The following ZFHX3 variants were observed in gnomAD, a reference collection of about 807,000 sequenced individuals.
ZFHX3 encodes zinc finger homeobox 3.
A neutral mutation model predicts 279.1 loss-of-function variants in ZFHX3; 42 were observed. The observed-to-expected ratio is 0.15, with a 90% confidence interval of 0.12 to 0.19. ZFHX3 has a LOEUF of 0.19. ZFHX3 is among the 10% of genes least tolerant of loss of function. ZFHX3 has a pLI of 1.00. For missense variants in ZFHX3, 4,981 were observed against 4,754.0 expected (o/e 1.05, Z -1.40); for synonymous variants, 2,293 against 1,957.8 (o/e 1.17, Z -4.52).
At chr16:73,704,486 G>T (rs1252568725) in intron 1 of ZFHX3, among the ~76,000 whole-genome samples, 1 of 152,180 alleles carries the variant, frequency 6.6e-6, no homozygotes, top group Non-Finnish European at 1.5e-5. Flanking sequence ...GCTACTCGCT[G>T]GCTAATTTCC....
At chr16:73,549,711 C>G (rs182352431) in intron 2 of ZFHX3, among the ~76,000 whole-genome samples, 1 of 152,154 alleles carries the variant, frequency 6.6e-6, no homozygotes, top group African/African-American at 2.4e-5. Flanking sequence ...AGAAAATGCC[C>G]CGGGTCTCCT....
chr16:73,477,687 C>G (rs2018788232), intron 2 of ZFHX3, among the ~76,000 whole-genome samples: 1 of 152,182 alleles, frequency 6.6e-6, no homozygotes, highest in Non-Finnish European at 1.5e-5. Context: ...CAGCAGCAGT[C>G]ACTTCTCACC....
intron 1 of ZFHX3, among the ~76,000 whole-genome samples, chr16:73,839,555 G>A (rs1339668789): frequency 1.3e-5 from 2 of 152,056 alleles, no homozygotes; most frequent in Non-Finnish European, 2.9e-5. Context: ...TCAGTTCAAT[G>A]GAATACATGT....
At chr16:73,154,819 C>A (rs926618601) in intron 5 of ZFHX3, among the ~76,000 whole-genome samples, 2 of 151,894 alleles carry the variant, frequency 1.3e-5, no homozygotes, top group African/African-American at 4.8e-5. Flanking sequence ...TTAAAAAAAT[C>A]AAAAGCAAAG....
At chr16:72,992,566 A>T (rs1963131432) in intron 1 of ZFHX3, among the ~76,000 whole-genome samples, 1 of 152,104 alleles carries the variant, frequency 6.6e-6, no homozygotes, top group South Asian at 2.1e-4. Context: ...ATCCCAACCC[A>T]CACAAAGGCA....
chr16:73,532,594 T>A lies in ZFHX3; in HGVS notation c.-1546-76336A>T, dbSNP rs528388484. On this transcript the variant is annotated intron_variant, in intron 2 of 17. Transcript: ENST00000641206. ...AGAGGAGGGCTGGAACTAAGCTGCC[T>A]GAATCTGAATCCTCACTCCCCACTT... is the stretch of plus-strand genomic sequence containing the variant. 9.2e-5 allele frequency among the ~76,000 whole-genome samples: 14 copies of A among 152,324 alleles called. No homozygotes were observed. In the South Asian group the frequency reaches 2.9e-3, roughly 32 times the overall value.
intron 2 of ZFHX3, among the ~76,000 whole-genome samples, chr16:73,528,815 G>A (rs1172788934): frequency 1.3e-5 from 2 of 152,150 alleles, no homozygotes; most frequent in Non-Finnish European, 2.9e-5. Flanking sequence ...AAGGTAACTG[G>A]CACCATGGGA....
chr16:73,197,428 G>C (rs1968174623), intron 5 of ZFHX3, among the ~76,000 whole-genome samples: 1 of 152,162 alleles, frequency 6.6e-6, no homozygotes, highest in South Asian at 2.1e-4. Context: ...TCTGTTGTCT[G>C]TTGTATTTTT....
chr16:73,459,300 A>G (rs1325722082), intron 2 of ZFHX3, among the ~76,000 whole-genome samples: 1 of 152,214 alleles, frequency 6.6e-6, no homozygotes, highest in Non-Finnish European at 1.5e-5. Context: ...CCATTTTCAT[A>G]CTGCGATAAA....
chr16:73,392,627 A>C (rs916216467), intron 3 of ZFHX3, among the ~76,000 whole-genome samples: 8 of 151,282 alleles, frequency 5.3e-5, no homozygotes, highest in Non-Finnish European at 8.8e-5. Context: ...AAATCTAAAA[A>C]CTGTGTATGT....
intron 1 of ZFHX3, among the ~76,000 whole-genome samples, chr16:73,805,872 G>A (rs1360285930): frequency 6.6e-6 from 1 of 152,206 alleles, no homozygotes; most frequent in Non-Finnish European, 1.5e-5. Context: ...GCCTCTCTGA[G>A]AAGGTGACTT....
intron 5 of ZFHX3, among the ~76,000 whole-genome samples, chr16:73,179,860 G>T (rs1967752684): frequency 6.6e-6 from 1 of 152,142 alleles, no homozygotes; most frequent in Admixed American, 6.6e-5. Context: ...TCAGAAGGGG[G>T]ACCCACTGAC....
intron 3 of ZFHX3, among the ~76,000 whole-genome samples, chr16:73,416,140 A>C (rs1187075719): frequency 1.2e-4 from 18 of 148,804 alleles, no homozygotes; most frequent in African/African-American, 4.6e-4. Context: ...AAAAAAAAAC[A>C]AAAAACGGAA....
At chr16:73,668,115 C>T (rs932529365) in intron 2 of ZFHX3, among the ~76,000 whole-genome samples, 1 of 152,158 alleles carries the variant, frequency 6.6e-6, no homozygotes, top group African/African-American at 2.4e-5. Context: ...CTGGACCACC[C>T]TCTAAGCCAG....
intron 5 of ZFHX3, among the ~76,000 whole-genome samples, chr16:73,241,654 G>T (rs945045695): frequency 6.6e-6 from 1 of 152,098 alleles, no homozygotes; most frequent in South Asian, 2.1e-4. Context: ...GCTGGACATG[G>T]TGGCACATGC....
chr16:73,799,880 A>G (rs890666175), intron 1 of ZFHX3, among the ~76,000 whole-genome samples: 2 of 152,178 alleles, frequency 1.3e-5, no homozygotes, highest in African/African-American at 4.8e-5. Context: ...TAGGATGCAC[A>G]TAACGTACAC....
intron 5 of ZFHX3, among the ~76,000 whole-genome samples, chr16:73,172,865 G>C (rs751578421): frequency 3.3e-5 from 5 of 151,698 alleles, no homozygotes; most frequent in Non-Finnish European, 1.5e-5. Context: ...TTGTTCTTCA[G>C]CTGTGGCCTG....
intron 1 of ZFHX3, among the ~76,000 whole-genome samples, chr16:73,769,632 A>C (rs564595332): frequency 1.3e-5 from 2 of 152,300 alleles, no homozygotes; most frequent in Non-Finnish European, 2.9e-5. Context: ...GTGACTTAAA[A>C]TGTAAAATGG....
intron 2 of ZFHX3, among the ~76,000 whole-genome samples, chr16:73,603,284 CA>C (rs1213173062): frequency 0.022 from 1,983 of 90,154 alleles, 54 homozygotes; most frequent in African/African-American, 0.071. Context: ...GACTCCATCT[CA>C]AAAAAAAAAA....
Sources: gnomAD v4.1 joint callset for allele counts (sites outside exome capture counted in the v4.1 genomes callset) on GRCh38, gnomAD v4.1.1 for gene constraint, MANE v1.5 for transcripts, NCBI Gene and HGNC (gene_info 2026-07-23, HGNC 2026-07-21) for gene names.